The following RNF220 variants were observed in gnomAD, a reference collection of about 807,000 sequenced individuals.
RNF220 encodes the protein ring finger protein 220, also known as E3 ubiquitin-protein ligase RNF220.
In RNF220, 7 loss-of-function variants were observed where a neutral mutation model predicts 67.1. The observed-to-expected ratio is 0.10, with a 90% confidence interval of 0.06 to 0.20. The LOEUF (loss-of-function observed/expected upper bound fraction) is 0.20. Among genes scored for constraint, RNF220 ranks in the 10% least tolerant of loss-of-function variants. The probability of loss-of-function intolerance (pLI) is 1.00; values close to 1 mark genes in which losing one functional copy is unlikely to be tolerated. For synonymous variants in RNF220, 270 were observed against 283.2 expected, an observed-to-expected ratio of 0.95 and a Z score of 0.47; for missense variants, 565 against 740.3, an observed-to-expected ratio of 0.76 and a Z score of 2.75.
At chr1:44,506,977 A>G (rs1270969446) in intron 2 of RNF220, among the ~76,000 whole-genome samples, 2 of 152,082 alleles carry the variant, frequency 1.3e-5, no homozygotes, top group Non-Finnish European at 2.9e-5. Context: ...GCCAATGACT[A>G]TTTCTGGGTA....
At chr1:44,632,153 C>G (rs935334531) in intron 5 of RNF220, 190 bp from the exon 6 acceptor site, 1 of 1,546,466 alleles carries the variant, frequency 6.5e-7, no homozygotes, top group East Asian at 2.5e-5. Context: ...CGCCCGGCGG[C>G]TATGCCGAGA....
At chr1:44,579,166 AAAAG>A (rs1665052965) in intron 2 of RNF220, among the ~76,000 whole-genome samples, 1 of 152,046 alleles carries the variant, frequency 6.6e-6, no homozygotes, top group African/African-American at 2.4e-5. Context: ...AGAAAAAAAA[AAAAG>A]AAAAAGAAAG....
intron 2 of RNF220, among the ~76,000 whole-genome samples, chr1:44,507,580 G>A (rs181789821): frequency 1.3e-5 from 2 of 152,098 alleles, no homozygotes; most frequent in South Asian, 2.1e-4. Flanking sequence ...CCGGCCTCTC[G>A]GGGGCCCTGT....
intron 2 of RNF220, among the ~76,000 whole-genome samples, chr1:44,485,066 G>T (rs1348163147): frequency 6.6e-6 from 1 of 152,194 alleles, no homozygotes; most frequent in Non-Finnish European, 1.5e-5. Context: ...AACCCGGGAG[G>T]CGGAGGTTAC....
In RNF220 at chr1:44,614,539, G is replaced by A. The variant is rs146108479; in HGVS notation, c.758+242G>A. ...GACCCCGCAGGCCCCAGCCTCAAAG[G>A]AAAACATGAGAGGAGCTAGACAGGG... is the stretch of plus-strand genomic sequence containing the variant. On this transcript the variant is annotated intron_variant, in intron 3 of 14. Coordinates refer to ENST00000361799, the MANE Select transcript of RNF220 (RefSeq NM_018150.4). Among the ~76,000 whole-genome samples the A allele has an allele frequency of 9.2e-5, 14 of 152,284 alleles. No individual in the cohort carries two copies. The East Asian group carries it at 2.5e-3, about 27-fold the overall frequency.
In RNF220 at chr1:44,418,000, C is replaced by G. The variant is rs916360446; in HGVS notation, c.625+5278C>G. 2.0e-5 allele frequency among the ~76,000 whole-genome samples: 3 copies of G among 152,126 alleles called. No homozygotes were observed. The highest frequency in any genetic ancestry group is 2.4e-5 in the African/African-American group (1 of 41,432). ...CACACACGAGGGCCCGTCGCGCCCC[C>G]CGCCCTGCCCCGCCTCGCCCTCCAC... is the stretch of plus-strand genomic sequence containing the variant. On this transcript the variant is annotated intron_variant, in intron 2 of 14. Transcript: ENST00000361799. The surrounding 1 kb of genome is among the most constrained non-coding windows in gnomAD (Gnocchi z 4.0).
intron 12 of RNF220, among the ~76,000 whole-genome samples, chr1:44,646,719 A>G (rs1466058473): frequency 3.3e-5 from 5 of 152,174 alleles, no homozygotes; most frequent in Non-Finnish European, 7.4e-5. Context: ...GGGGGGAGCC[A>G]GGATTTCTGT....
chr1:44,434,029 A>G (rs1478395755), intron 2 of RNF220, among the ~76,000 whole-genome samples: 1 of 152,170 alleles, frequency 6.6e-6, no homozygotes, highest in Non-Finnish European at 1.5e-5. Flanking sequence ...AAAATTAAAG[A>G]ATCAAGAAAA....
At chr1:44,456,305 C>T (rs936112665) in intron 2 of RNF220, among the ~76,000 whole-genome samples, 1 of 152,170 alleles carries the variant, frequency 6.6e-6, no homozygotes, top group Non-Finnish European at 1.5e-5. Context: ...GGTAGCAGGA[C>T]AGATGTCTTT....
chr1:44,421,947 A>C (rs949393647), intron 2 of RNF220, among the ~76,000 whole-genome samples: 3 of 152,138 alleles, frequency 2.0e-5, no homozygotes, highest in Non-Finnish European at 4.4e-5. Context: ...GTTGGCAGCC[A>C]ATCATCTGAT....
chr1:44,506,896 C>G (rs1658480006), intron 2 of RNF220, among the ~76,000 whole-genome samples: 1 of 152,190 alleles, frequency 6.6e-6, no homozygotes, highest in Admixed American at 6.5e-5. Flanking sequence ...TGAGTGACTA[C>G]AGACTCCAGA....
At chr1:44,538,273 T>G (rs750128755) in intron 2 of RNF220, among the ~76,000 whole-genome samples, 6 of 152,226 alleles carry the variant, frequency 3.9e-5, no homozygotes, top group Non-Finnish European at 5.9e-5. Flanking sequence ...CTTTCTCCAG[T>G]ATTTTCTCTC....
At chr1:44,463,182 C>T (rs1653950076) in intron 2 of RNF220, among the ~76,000 whole-genome samples, 1 of 151,282 alleles carries the variant, frequency 6.6e-6, no homozygotes, top group Non-Finnish European at 1.5e-5. Flanking sequence ...ACTAAAAATA[C>T]AAAATTAGCC....
chr1:44,552,590 A>T (rs1272862361), intron 2 of RNF220, among the ~76,000 whole-genome samples: 1 of 2,906 alleles, frequency 3.4e-4, no homozygotes, highest in African/African-American at 6.6e-4. Flanking sequence ...TTTTTTTTTG[A>T]GACAGAGTCT....
intron 6 of RNF220, 116 bp downstream of exon 6, chr1:44,632,501 T>C (rs892250581): frequency 9.6e-7 from 1 of 1,037,196 alleles, no homozygotes; most frequent in Non-Finnish European, 1.4e-6. Flanking sequence ...CGTTGGCTTC[T>C]TCGCAGTCAC....
chr1:44,497,768 C>T (rs866117169), intron 2 of RNF220, among the ~76,000 whole-genome samples: 1 of 152,192 alleles, frequency 6.6e-6, no homozygotes, highest in African/African-American at 2.4e-5. Context: ...ATTTACTAGC[C>T]ACCTTATTGA....
intron 2 of RNF220, among the ~76,000 whole-genome samples, chr1:44,501,772 G>C (rs547716341): frequency 3.3e-5 from 5 of 152,074 alleles, no homozygotes; most frequent in Non-Finnish European, 5.9e-5. Context: ...GTGCAGGAGA[G>C]GGGGGCTGGG....
chr1:44,443,416 C>G (rs1469733861), intron 2 of RNF220, among the ~76,000 whole-genome samples: 1 of 152,202 alleles, frequency 6.6e-6, no homozygotes, highest in African/African-American at 2.4e-5. Flanking sequence ...CACACTGTTG[C>G]AGTAGGCTCC....
chr1:44,406,504 G>A (rs1267337370), intron 1 of RNF220, among the ~76,000 whole-genome samples: 1 of 152,208 alleles, frequency 6.6e-6, no homozygotes, highest in Non-Finnish European at 1.5e-5. Context: ...TTTTATCTTA[G>A]ACCTGCCTTA....
Sources: allele counts gnomAD v4.1 joint callset (sites outside exome capture counted in the v4.1 genomes callset), GRCh38; gene constraint gnomAD v4.1.1; non-coding constraint Gnocchi (gnomAD v3.1); transcripts MANE v1.5; gene names NCBI Gene and HGNC (gene_info 2026-07-23, HGNC 2026-07-21).